ABCA3: variants seen among roughly 807,000 people sequenced by gnomAD.
ABCA3 encodes the protein phospholipid-transporting ATPase ABCA3.
ABCA3 carries 88 observed loss-of-function variants against 172.8 expected under a neutral mutation model. The ratio of observed to expected loss-of-function variants is 0.51; its 90% CI spans 0.43 to 0.61. ABCA3 has a LOEUF of 0.61. Ranked by LOEUF, ABCA3 falls within the 20% of genes least tolerant of loss-of-function variation. ABCA3 has a pLI of 0.00. For missense variants in ABCA3, 2,164 were observed against 2,301.0 expected (o/e 0.94, Z 1.22); for synonymous variants, 1,066 against 983.8 (o/e 1.08, Z -1.56).
In ABCA3 at chr16:2,285,418, G is replaced by T; in HGVS notation, c.3483+24C>A. 1 of 1,591,572 alleles carries T rather than the reference G, an allele frequency of 6.3e-7. No homozygotes were observed. The highest frequency in any genetic ancestry group is 2.3e-5 in the East Asian group (1 of 43,942). ...GCCCTCTGCGGTCTGCAGGGGAACG[G>T]ATCCAGCACCCTCCGGCGCTCACCA... On this transcript the variant is annotated intron_variant, in intron 23 of 32. Coordinates refer to ENST00000301732, the MANE Select transcript of ABCA3 (RefSeq NM_001089.3). The surrounding 1 kb of genome is among the most constrained non-coding windows in gnomAD (Gnocchi z 4.7).
At chr16:2,301,001 C>A (rs907318329) in intron 12 of ABCA3, among the ~76,000 whole-genome samples, 1 of 149,966 alleles carries the variant, frequency 6.7e-6, no homozygotes, top group South Asian at 2.1e-4. Flanking sequence ...GAGGCCGAGG[C>A]GGGCGGATCA....
Position 2,299,455 on chromosome 16 carries a change from G to C in ABCA3, c.1689C>G (p.Val563=), listed in dbSNP as rs983630147. The change falls in exon 14 of 33, where the codon GTC becomes GTG. Residue 563 remains valine, a synonymous_variant. Transcript: ENST00000301732. ...TCCCGGCACCGTTGTGGCCCAGCAG[G>C]ACGGTGATCTGTCCCTCGTACAGGT... ...NLNLYEGQIT[V]LLGHNGAGKT... is the part of the protein sequence containing the mutation. 1 of 1,613,926 alleles carries C rather than the reference G, an allele frequency of 6.2e-7. No homozygotes were observed. The highest frequency in any genetic ancestry group is 1.7e-5 in the Admixed American group (1 of 60,032).
At chr16:2,305,462 G>A (rs1363898265) in intron 11 of ABCA3, among the ~76,000 whole-genome samples, 1 of 151,912 alleles carries the variant, frequency 6.6e-6, no homozygotes, top group Non-Finnish European at 1.5e-5. Flanking sequence ...ATGCCCAGCT[G>A]ATTTTTGTAT....
chr16:2,308,387 T>C, intron 11 of ABCA3, 63 bp downstream of exon 11: 3 of 1,603,062 alleles, frequency 1.9e-6, no homozygotes, highest in South Asian at 2.2e-5. Context: ...GCGGCTCTTG[T>C]GGTTGGGTGC....
At chr16:2,339,353 G>A (rs902028350) in intron 1 of ABCA3, 5 of 152,220 alleles carry the variant, frequency 3.3e-5, no homozygotes, top group African/African-American at 1.2e-4. Context: ...TAGGAAGGGA[G>A]AGACGTCGTC....
rs45455899 is a variant in ABCA3 at position 2,284,708 on chromosome 16, G to A, written c.3703+71C>T. ...CTGAGTCCCGCCTCGGCTGTGGCTG[G>A]TGCCTCCCTGTCTGGGCGGAGTGGC... On this transcript the variant is annotated intron_variant, in intron 24 of 32. Transcript: ENST00000301732. The surrounding 1 kb of genome is among the most constrained non-coding windows in gnomAD (Gnocchi z 5.9). The A allele has an allele frequency of 1.3e-6, 2 of 1,507,900 alleles. No homozygotes were observed. 93.4% of individuals were successfully genotyped at this position (1,507,900 alleles called of 1,614,324 possible).
At chr16:2,333,459 A>G (rs1039007549) in intron 1 of ABCA3, among the ~76,000 whole-genome samples, 15 of 152,194 alleles carry the variant, frequency 9.9e-5, no homozygotes, top group African/African-American at 3.4e-4. Context: ...GGGAGGACCC[A>G]ACATCCCAAT....
Position 2,276,673 on chromosome 16 carries a change from C to G in ABCA3, c.*1G>C. On this transcript the variant is annotated 3_prime_UTR_variant, in exon 33 of 33. Coordinates refer to ENST00000301732, the MANE Select transcript of ABCA3 (RefSeq NM_001089.3). ...CCTGATGGCGAGACAGCCGCCACCC[C>G]TCATCGCCCCTCCTCTGCGGTGGGC... 1 of 1,613,102 alleles carries G rather than the reference C, an allele frequency of 6.2e-7. No homozygotes were observed.
intron 7 of ABCA3, among the ~76,000 whole-genome samples, chr16:2,323,016 A>G (rs2093728479): frequency 6.6e-6 from 1 of 152,252 alleles, no homozygotes; most frequent in African/African-American, 2.4e-5. Context: ...ACACTTCTCA[A>G]AAGAAGACAT....
chr16:2,296,288 C>T (rs1331824405), intron 17 of ABCA3, among the ~76,000 whole-genome samples: 6 of 151,700 alleles, frequency 4.0e-5, no homozygotes, highest in African/African-American at 1.5e-4. Flanking sequence ...TGGAGTGCAG[C>T]TGCACAATCT....
rs1207473331 is a variant in ABCA3, at chr16:2,285,658, A to G, written c.3279-12T>C. The stretch of plus-strand genomic sequence containing the variant: ...ATCCCTTCCGGCCCCTGCGGGGGAC[A>G]GAGAAGGTCAGGGACGGAGCACAGC... On this transcript the variant is annotated splice_polypyrimidine_tract_variant and intron_variant, in intron 22 of 32. Transcript: ENST00000301732. The surrounding 1 kb of genome is among the most constrained non-coding windows in gnomAD (Gnocchi z 4.7). 1.5e-5 allele frequency: 23 copies of G among 1,551,310 alleles called. No individual in the cohort carries two copies. Among genetic ancestry groups the G allele is most frequent in the Non-Finnish European group, 2.0e-5 (23 of 1,147,018 alleles).
chr16:2,289,326 C>T (rs767244790), intron 20 of ABCA3, 108 bp downstream of exon 20: 17 of 1,391,902 alleles, frequency 1.2e-5, no homozygotes, highest in African/African-American at 2.8e-5. Context: ...CTGACTCTCC[C>T]GGACCCTGTT....
At chr16:2,289,799 G>C (rs1198939543) in intron 19 of ABCA3, among the ~76,000 whole-genome samples, 179 bp from the exon 20 acceptor site, 1 of 152,156 alleles carries the variant, frequency 6.6e-6, no homozygotes, top group African/African-American at 2.4e-5. Context: ...GCTAATTTTT[G>C]TATTTTTAGT....
Position 2,286,588 on chromosome 16 carries a change from T to G in ABCA3, c.3278+106A>C. The stretch of plus-strand genomic sequence containing the variant: ...GGGTTTCCCACCAGACCCAGGGGCT[T>G]TGGGAGGGCAGACACAATGCTCTAT... On this transcript the variant is annotated intron_variant, in intron 22 of 32. Transcript: ENST00000301732. The surrounding 1 kb of genome is among the most constrained non-coding windows in gnomAD (Gnocchi z 5.2). 6.9e-7 allele frequency: 1 copy of G among 1,451,018 alleles called. No individual in the cohort carries two copies. Among genetic ancestry groups the G allele is most frequent in the Non-Finnish European group, 9.4e-7 (1 of 1,065,644 alleles). 89.9% of individuals were successfully genotyped at this position (1,451,018 alleles called of 1,614,324 possible).
chr16:2,288,005 C>T lies in ABCA3; in HGVS notation c.3004+21G>A, dbSNP rs76081169. 1,207 of 1,599,504 alleles carry T rather than the reference C, an allele frequency of 7.5e-4. 9 individuals carry two copies. The African/African-American group carries it at 0.014, about 19-fold the overall frequency. On this transcript the variant is annotated intron_variant, in intron 21 of 32. Coordinates refer to ENST00000301732, the MANE Select transcript of ABCA3 (RefSeq NM_001089.3). ...GGACTGGCCCCCGATGCCCCCGTCCCGCCCCCGGGATGCCCCTTACCGAGC... is the reference window on the plus strand; with the variant it reads ...GGACTGGCCCCCGATGCCCCCGTCCTGCCCCCGGGATGCCCCTTACCGAGC...
chr16:2,286,642 G>A lies in ABCA3; in HGVS notation c.3278+52C>T. The A allele has an allele frequency of 6.2e-7, 1 of 1,608,840 alleles. No homozygotes were observed. Among genetic ancestry groups the A allele is most frequent in the South Asian group, 1.1e-5 (1 of 90,776 alleles). On this transcript the variant is annotated intron_variant, in intron 22 of 32. Coordinates refer to ENST00000301732, the MANE Select transcript of ABCA3 (RefSeq NM_001089.3). The surrounding 1 kb of genome is among the most constrained non-coding windows in gnomAD (Gnocchi z 5.2). The stretch of plus-strand genomic sequence containing the variant: ...TGGGCCCGTGGCAGTGCCCAGGGCA[G>A]TCAGTCCTGGGGGCTCTGGCCAGGG...
intron 14 of ABCA3, 36 bp from the exon 15 acceptor site, chr16:2,298,576 A>G (rs1231600857): frequency 6.2e-7 from 1 of 1,609,766 alleles, no homozygotes; most frequent in Non-Finnish European, 8.5e-7. Context: ...TTCAGCATGA[A>G]GATCCTGCTC....
At position 2,281,155 on chromosome 16, in the gene ABCA3, A is replaced by T. The variant is rs1224874759; in HGVS notation, c.4231T>A (p.Cys1411Ser). ...CCATTGAAGCCCAGCAGGCCGAAGC[A>T]CTCCCCTTTCTGCACCGCGAGGGAG... ...RLSLAVQKGECFGLLGFNGAG... is the reference protein window; with the variant it reads ...RLSLAVQKGESFGLLGFNGAG... Residue 1411 changes from cysteine (C) to serine (S), a missense_variant, in exon 28 of 33, where the codon TGC becomes AGC. Coordinates refer to ENST00000301732, the MANE Select transcript of ABCA3 (RefSeq NM_001089.3). This position sits in a 1 kb window ranked among gnomAD's most constrained non-coding sequence, Gnocchi z 4.7. The T allele has an allele frequency of 6.2e-7, 1 of 1,613,216 alleles. No homozygotes were observed. The highest frequency in any genetic ancestry group is 8.5e-7 in the Non-Finnish European group (1 of 1,179,910).
Position 2,287,051 on chromosome 16 carries a change from A to C in ABCA3, c.3005-84T>G. 1 of 1,492,784 alleles carries C rather than the reference A, an allele frequency of 6.7e-7. No individual in the cohort carries two copies. The highest frequency in any genetic ancestry group is 1.2e-5 in the South Asian group (1 of 83,914). The allele number at this position is 1,492,784 out of a possible 1,614,324, so 92.5% of individuals were successfully genotyped here. The stretch of plus-strand genomic sequence containing the variant: ...GCCACCTGAGCATGGCTAATCAGGG[A>C]CCCAATAGAGTGGTGCCAGCATCCT... On this transcript the variant is annotated intron_variant, in intron 21 of 32. Coordinates refer to ENST00000301732, the MANE Select transcript of ABCA3 (RefSeq NM_001089.3). This position sits in a 1 kb window ranked among gnomAD's most constrained non-coding sequence, Gnocchi z 4.1.
Sources: allele counts gnomAD v4.1 joint callset (sites outside exome capture counted in the v4.1 genomes callset), GRCh38; gene constraint gnomAD v4.1.1; non-coding constraint Gnocchi (gnomAD v3.1); transcripts MANE v1.5; gene names NCBI Gene and HGNC (gene_info 2026-07-23, HGNC 2026-07-21).